GNG12: variants seen among roughly 807,000 people sequenced by gnomAD.
GNG12 encodes G protein subunit gamma 12.
For synonymous variants in GNG12, 28 were observed against 29.7 expected, an observed-to-expected ratio of 0.94 and a Z score of 0.19; for missense variants, 69 against 83.8, an observed-to-expected ratio of 0.82 and a Z score of 0.69.
chr1:67,812,284 A>T (rs1646930685), intron 1 of GNG12, among the ~76,000 whole-genome samples: 1 of 152,214 alleles, frequency 6.6e-6, no homozygotes, highest in Non-Finnish European at 1.5e-5. Context: ...ATAGATTATT[A>T]AAAAATAAAG....
intron 1 of GNG12, among the ~76,000 whole-genome samples, chr1:67,799,692 T>C (rs1646853287): frequency 1.3e-5 from 2 of 152,198 alleles, no homozygotes; most frequent in African/African-American, 2.4e-5. Context: ...CTGTTAGAAA[T>C]TGAAACTGAG....
At chr1:67,801,998 T>C (rs1557622423) in intron 1 of GNG12, among the ~76,000 whole-genome samples, 1 of 151,840 alleles carries the variant, frequency 6.6e-6, no homozygotes. Flanking sequence ...GGAGGAAATA[T>C]GGCTGAGGGA....
chr1:67,805,244 C>G (rs1230252036), intron 1 of GNG12, among the ~76,000 whole-genome samples: 1 of 151,862 alleles, frequency 6.6e-6, no homozygotes, highest in Non-Finnish European at 1.5e-5. Flanking sequence ...TCCTAAAAGC[C>G]TATTTATCAC....
At chr1:67,816,223 C>T (rs1420389265) in intron 1 of GNG12, among the ~76,000 whole-genome samples, 1 of 152,108 alleles carries the variant, frequency 6.6e-6, no homozygotes, top group Admixed American at 6.5e-5. Flanking sequence ...AGGTCAGAGT[C>T]CTTAGTGTGA....
chr1:67,748,552 C>A (rs773769587), intron 2 of GNG12, among the ~76,000 whole-genome samples: 1 of 152,162 alleles, frequency 6.6e-6, no homozygotes, highest in African/African-American at 2.4e-5. Context: ...GGAAGAAGTG[C>A]AGCGTCTTTT....
intron 2 of GNG12, among the ~76,000 whole-genome samples, chr1:67,723,801 A>G (rs547405450): frequency 1.2e-4 from 18 of 152,366 alleles, no homozygotes; most frequent in African/African-American, 4.1e-4. Flanking sequence ...TTAACCACAT[A>G]TGATACTTTT....
rs183347842 is a variant in GNG12 at position 67,705,132 on chromosome 1, A to G, written c.*319T>C. ...GTGCTTAGGCCATTTAGGTCCTGACATATCGGAATCCCTTGTATTTCTAAA... is the reference window on the plus strand; with the variant it reads ...GTGCTTAGGCCATTTAGGTCCTGACGTATCGGAATCCCTTGTATTTCTAAA... On this transcript the variant is annotated 3_prime_UTR_variant, in exon 4 of 4. Transcript: ENST00000370982. The G allele has an allele frequency of 4.1e-4, 77 of 187,460 alleles. 1 individual carries two copies. The East Asian group carries it at 0.011, about 27-fold the overall frequency. The allele number at this position is 187,460 out of a possible 1,614,324, so 11.6% of individuals were successfully genotyped here.
chr1:67,793,866 AG>A (rs1461474611), intron 1 of GNG12, among the ~76,000 whole-genome samples: 48 of 152,194 alleles, frequency 3.2e-4, no homozygotes, highest in Admixed American at 2.6e-4. Flanking sequence ...GACCAGTTTC[AG>A]CACACAGTTT....
In GNG12 at chr1:67,703,349, T is replaced by G. The variant is rs536405075; in HGVS notation, c.*2102A>C. 6.6e-6 allele frequency: 1 copy of G among 152,302 alleles called. No individual in the cohort carries two copies. The highest frequency in any genetic ancestry group is 1.5e-5 in the Non-Finnish European group (1 of 68,020). The allele number at this position is 152,302 out of a possible 1,614,324, so 9.4% of individuals were successfully genotyped here. A position where few individuals can be genotyped will look rare whatever the true frequency, so the allele number is the denominator to read the frequency against. ...TGTTTCAGTACTAAATAATAAACTA[T>G]GCCTGCTACCAATAACATGCACATA... On this transcript the variant is annotated 3_prime_UTR_variant, in exon 4 of 4. Coordinates refer to ENST00000370982, the MANE Select transcript of GNG12 (RefSeq NM_018841.6).
At chr1:67,821,236 T>TA (rs1646983007) in intron 1 of GNG12, among the ~76,000 whole-genome samples, 2 of 152,182 alleles carry the variant, frequency 1.3e-5, no homozygotes, top group African/African-American at 2.4e-5. Context: ...CTGACCTTAA[T>TA]ATATGGAGAG....
At chr1:67,723,121 T>C (rs1646365303) in intron 2 of GNG12, among the ~76,000 whole-genome samples, 2 of 152,158 alleles carry the variant, frequency 1.3e-5, no homozygotes, top group South Asian at 4.1e-4. Flanking sequence ...TGCAAAAAAT[T>C]TTTTAAAAGC....
At chr1:67,747,532 G>A (rs1646514495) in intron 2 of GNG12, among the ~76,000 whole-genome samples, 1 of 152,154 alleles carries the variant, frequency 6.6e-6, no homozygotes, top group African/African-American at 2.4e-5. Flanking sequence ...TTTTCAGAAA[G>A]GTGTGCTATT....
chr1:67,760,541 A>G (rs1462697624), intron 2 of GNG12, among the ~76,000 whole-genome samples: 1 of 152,222 alleles, frequency 6.6e-6, no homozygotes, highest in Non-Finnish European at 1.5e-5. Flanking sequence ...ATGACCAGGA[A>G]AAACCTGATG....
intron 2 of GNG12, among the ~76,000 whole-genome samples, chr1:67,739,114 G>A (rs943170783): frequency 6.6e-6 from 1 of 152,194 alleles, no homozygotes; most frequent in Non-Finnish European, 1.5e-5. Context: ...AGGAGGCGGA[G>A]GTTGTGGTGA....
At chr1:67,730,075 CTAAAA>C (rs1462769448) in intron 2 of GNG12, among the ~76,000 whole-genome samples, 1 of 152,110 alleles carries the variant, frequency 6.6e-6, no homozygotes. Flanking sequence ...GCCCAAATGA[CTAAAA>C]TGAGAACACA....
chr1:67,793,916 C>T (rs1646815460), intron 1 of GNG12, among the ~76,000 whole-genome samples: 1 of 152,194 alleles, frequency 6.6e-6, no homozygotes, highest in Non-Finnish European at 1.5e-5. Context: ...AGAGGCCCAC[C>T]ACTTGACTCC....
At chr1:67,766,605 G>GTTT (rs746565686) in intron 2 of GNG12, among the ~76,000 whole-genome samples, 38 of 138,648 alleles carry the variant, frequency 2.7e-4, no homozygotes, top group African/African-American at 9.2e-4. Flanking sequence ...ATATGTTGGT[G>GTTT]TTTTTTTTTT....
At chr1:67,713,014 C>T (rs1646305190) in intron 2 of GNG12, among the ~76,000 whole-genome samples, 1 of 152,198 alleles carries the variant, frequency 6.6e-6, no homozygotes, top group South Asian at 2.1e-4. Context: ...CAGGCATGAG[C>T]CACCACGCCT....
At chr1:67,814,679 A>G (rs1300243986) in intron 1 of GNG12, among the ~76,000 whole-genome samples, 1 of 152,172 alleles carries the variant, frequency 6.6e-6, no homozygotes, top group African/African-American at 2.4e-5. Context: ...TTCATGTTTT[A>G]TATGCTTATC....
Sources: allele counts gnomAD v4.1 joint callset (sites outside exome capture counted in the v4.1 genomes callset), GRCh38; gene constraint gnomAD v4.1.1; transcripts MANE v1.5; gene names NCBI Gene and HGNC (gene_info 2026-07-23, HGNC 2026-07-21).